Variants in NAV2 observed in about 807,000 individuals in gnomAD.
The protein encoded by NAV2 is helicase, APC down-regulated 1.
NAV2 carries 54 observed loss-of-function variants against 223.2 expected under a neutral mutation model. The observed-to-expected ratio is 0.24, with a 90% CI of 0.19 to 0.30. NAV2 has a LOEUF of 0.30. NAV2 is among the 10% of genes least tolerant of loss of function. NAV2 has a pLI of 1.00. For synonymous variants in NAV2, 1,279 were observed against 1,239.3 expected, an observed-to-expected ratio of 1.03 and a Z score of -0.67; for missense variants, 2,806 against 3,147.5, an observed-to-expected ratio of 0.89 and a Z score of 2.60.
chr11:19,901,058 T>TTCATCTA (rs2042404396), intron 6 of NAV2, among the ~76,000 whole-genome samples: 1 of 152,244 alleles, frequency 6.6e-6, no homozygotes, highest in Non-Finnish European at 1.5e-5. Context: ...TCTCTCAAGG[T>TTCATCTA]GTGATTCATG....
At chr11:19,684,393 G>C (rs147019440) in intron 1 of NAV2, among the ~76,000 whole-genome samples, 1 of 151,994 alleles carries the variant, frequency 6.6e-6, no homozygotes, top group African/African-American at 2.4e-5. Context: ...ACCACTGGGG[G>C]CTGTCTCTGA....
In NAV2 at chr11:19,643,792, G is replaced by T. The variant is rs57524888; in HGVS notation, c.76-188692G>T. On this transcript the variant is annotated intron_variant, in intron 1 of 37. Transcript: ENST00000360655. ...TTACAGTCCCACCAACAGTGTAAAAGTGTTCCTATTTCTCCACATCCTCTC... is the reference window on the plus strand; with the variant it reads ...TTACAGTCCCACCAACAGTGTAAAATTGTTCCTATTTCTCCACATCCTCTC... Among the ~76,000 whole-genome samples the T allele has an allele frequency of 9.1e-3, 1,382 of 152,292 alleles. 30 individuals are homozygous for T. Among genetic ancestry groups the T allele is most frequent in the East Asian group, 0.062 (322 of 5,176 alleles).
At chr11:19,763,774 TG>T (rs1166369337) in intron 1 of NAV2, among the ~76,000 whole-genome samples, 4 of 119,744 alleles carry the variant, frequency 3.3e-5, no homozygotes, top group Admixed American at 1.7e-4. Context: ...TTAGCGTTGT[TG>T]TTTTTTTGTT....
At chr11:19,559,891 C>T (rs1272459832) in intron 1 of NAV2, among the ~76,000 whole-genome samples, 1 of 152,150 alleles carries the variant, frequency 6.6e-6, no homozygotes, top group African/African-American at 2.4e-5. Flanking sequence ...CTGCCTGAGC[C>T]CTTCTCCCCC....
chr11:19,387,980 G>A (rs1349737544), intron 1 of NAV2, among the ~76,000 whole-genome samples: 1 of 152,186 alleles, frequency 6.6e-6, no homozygotes, highest in African/African-American at 2.4e-5. Context: ...TGTGAGAAAT[G>A]TAGAGTCCCA....
At chr11:19,652,522 AT>A (rs746475367) in intron 1 of NAV2, among the ~76,000 whole-genome samples, 1 of 152,198 alleles carries the variant, frequency 6.6e-6, no homozygotes, top group African/African-American at 2.4e-5. Flanking sequence ...ACAAAGAACT[AT>A]TGGTTTTCCC....
chr11:19,817,789 AC>A (rs1328155440), intron 1 of NAV2, among the ~76,000 whole-genome samples: 1 of 152,090 alleles, frequency 6.6e-6, no homozygotes, highest in Non-Finnish European at 1.5e-5. Context: ...GAGTAACTGA[AC>A]CTTGGCTCCA....
rs550556620 is a variant in NAV2 at position 19,820,177 on chromosome 11, A to G, written c.268-12307A>G. On this transcript the variant is annotated intron_variant, in intron 1 of 37. Coordinates refer to ENST00000349880, the MANE Select transcript of NAV2 (RefSeq NM_145117.5). ...CCTTGTAGTGGCCCAGGTTCTCACTACCCACTTAGGTGTGGCTGCCCTGTC... is the reference window on the plus strand; with the variant it reads ...CCTTGTAGTGGCCCAGGTTCTCACTGCCCACTTAGGTGTGGCTGCCCTGTC... Among the ~76,000 whole-genome samples, 16 of 152,300 alleles carry G rather than the reference A, an allele frequency of 1.1e-4. No homozygotes were observed. The South Asian group carries it at 1.9e-3, about 18-fold the overall frequency.
At chr11:19,960,313 G>A (rs1447567652) in intron 10 of NAV2, among the ~76,000 whole-genome samples, 1 of 152,074 alleles carries the variant, frequency 6.6e-6, no homozygotes, top group African/African-American at 2.4e-5. Context: ...TGGCTTATGG[G>A]GGCTGATATG....
chr11:19,778,664 G>A (rs370755488), intron 1 of NAV2, among the ~76,000 whole-genome samples: 5 of 152,194 alleles, frequency 3.3e-5, no homozygotes, highest in African/African-American at 1.2e-4. Flanking sequence ...CATACTTCTT[G>A]TGTTATGTTT....
Position 20,016,443 on chromosome 11 carries a change from GC to G in NAV2, c.2769-19515del, listed in dbSNP as rs1230324791. ...TGTTTAGAGATTAAGGAATATGTGT[GC>G]TTTTACATGTGAGTACTCACAAATG... is the stretch of plus-strand genomic sequence containing the variant. On this transcript the variant is annotated intron_variant, in intron 11 of 37. Transcript: ENST00000349880. Among the ~76,000 whole-genome samples, 4 of 152,346 alleles carry G rather than the reference GC, an allele frequency of 2.6e-5. No individual in the cohort carries two copies. In the East Asian group the frequency reaches 5.8e-4, roughly 22 times the overall value.
intron 1 of NAV2, among the ~76,000 whole-genome samples, chr11:19,795,625 T>G (rs1212637160): frequency 6.6e-6 from 1 of 152,226 alleles, no homozygotes; most frequent in Non-Finnish European, 1.5e-5. Context: ...AGGCTAACTC[T>G]TATTGATCAG....
At chr11:19,398,626 C>T (rs1849560930) in intron 1 of NAV2, among the ~76,000 whole-genome samples, 1 of 152,158 alleles carries the variant, frequency 6.6e-6, no homozygotes, top group Non-Finnish European at 1.5e-5. Flanking sequence ...ACTTCTGACC[C>T]CTGCCTTCAT....
At chr11:19,456,933 G>A (rs546200543) in intron 1 of NAV2, among the ~76,000 whole-genome samples, 2 of 152,332 alleles carry the variant, frequency 1.3e-5, no homozygotes, top group Admixed American at 6.5e-5. Context: ...AGGTCCTGTG[G>A]TGCCATACTT....
chr11:20,079,949 G>A, intron 24 of NAV2, 115 bp from the exon 25 acceptor site: 2 of 1,138,404 alleles, frequency 1.8e-6, no homozygotes, highest in Non-Finnish European at 2.5e-6. Context: ...TGATGTATAT[G>A]TGGAAAACAC....
At chr11:19,630,939 G>GAAAAAAAAAAAAAAAAAAAAA (rs1199246744) in intron 1 of NAV2, among the ~76,000 whole-genome samples, 1 of 113,346 alleles carries the variant, frequency 8.8e-6, no homozygotes, top group African/African-American at 3.8e-5. Flanking sequence ...AAAAAAAAAG[G>GAAAAAAAAAAAAAAAAAAAAA]AAAAAAGAAA....
chr11:19,946,475 A>T lies in NAV2; in HGVS notation c.2221A>T (p.Met741Leu), dbSNP rs1159767728. The change falls in exon 9 of 38, where the codon ATG (methionine) becomes TTG (leucine). Residue 741 changes from methionine to leucine, a missense_variant. Physicochemically the swap from Met to Leu is conservative, Grantham distance 15. Transcript: ENST00000349880. ...ADLRQNLEET[M>L]SSLRGTQVTH... ...TCTGCGGCAGAATTTGGAGGAAACC[A>T]TGTCCAGTTTAAGGGGAACTCAGGT... 2 of 1,613,680 alleles carry T rather than the reference A, an allele frequency of 1.2e-6. No homozygotes were observed. The highest frequency in any genetic ancestry group is 1.3e-5 in the African/African-American group (1 of 74,912).
chr11:19,948,951 G>A lies in NAV2; in HGVS notation c.2516G>A (p.Cys839Tyr), dbSNP rs1196763214. Residue 839 changes from cysteine to tyrosine, a missense_variant, in exon 10 of 38, where the codon TGC (cysteine) becomes TAC (tyrosine). This residue lies in a region of NAV2 where 1,167 missense variants were observed against 1,180.5 expected (regional missense o/e 0.99). Transcript: ENST00000349880. The stretch of plus-strand genomic sequence containing the variant: ...CTGGCCTCCCGGGGCAGTAGTGTCT[G>A]CCATGTGGACGTCTCAGACAAGGCA... ...RQLASRGSSV[C>Y]HVDVSDKAGD... is the part of the protein sequence containing the mutation. 6.2e-7 allele frequency: 1 copy of A among 1,613,976 alleles called. No homozygotes were observed. Among genetic ancestry groups the A allele is most frequent in the Non-Finnish European group, 8.5e-7 (1 of 1,179,914 alleles).
intron 3 of NAV2, among the ~76,000 whole-genome samples, chr11:19,846,051 C>T (rs569395390): frequency 1.3e-5 from 2 of 152,258 alleles, no homozygotes; most frequent in South Asian, 2.1e-4. Context: ...ACTGTGGAGA[C>T]CCATTCTACC....
Sources: allele counts gnomAD v4.1 joint callset (sites outside exome capture counted in the v4.1 genomes callset), GRCh38; gene constraint gnomAD v4.1.1; regional missense constraint gnomAD v4.1.1; transcripts MANE v1.5; gene names NCBI Gene and HGNC (gene_info 2026-07-23, HGNC 2026-07-21).